HMCN1: variants seen among roughly 807,000 people sequenced by gnomAD.
The protein encoded by HMCN1 is hemicentin 1.
A neutral mutation model predicts 625.9 loss-of-function variants in HMCN1; 321 were observed. The observed-to-expected ratio is 0.51, with a 90% CI of 0.47 to 0.56. HMCN1 has a LOEUF of 0.56. Ranked by LOEUF, HMCN1 falls within the 20% of genes least tolerant of loss-of-function variation. The pLI, the probability that HMCN1 is intolerant of heterozygous loss-of-function variation, is 0.00. For missense variants in HMCN1, 6,588 were observed against 6,887.3 expected (o/e 0.96, Z 1.54); for synonymous variants, 2,425 against 2,417.6 (o/e 1.00, Z -0.09).
chr1:185,828,837 A>T (rs1264663551), intron 1 of HMCN1, among the ~76,000 whole-genome samples: 1 of 152,160 alleles, frequency 6.6e-6, no homozygotes, highest in Non-Finnish European at 1.5e-5. Context: ...AACATGACAT[A>T]TCAGAATCTA....
intron 1 of HMCN1, among the ~76,000 whole-genome samples, chr1:185,735,743 G>T (rs540587588): frequency 1.3e-5 from 2 of 152,314 alleles, no homozygotes; most frequent in South Asian, 2.1e-4. Context: ...CCCTAAAGCC[G>T]TAGGTTTCAG....
At chr1:185,970,893 C>T (rs1405829919) in intron 15 of HMCN1, among the ~76,000 whole-genome samples, 1 of 151,986 alleles carries the variant, frequency 6.6e-6, no homozygotes, top group Admixed American at 6.6e-5. Context: ...CTCCTGACCT[C>T]GTGATTCCCA....
chr1:186,054,043 T>G, intron 44 of HMCN1, 57 bp downstream of exon 44: 1 of 1,508,518 alleles, frequency 6.6e-7, no homozygotes, highest in Non-Finnish European at 9.2e-7. Flanking sequence ...TTTTCATCCT[T>G]CTCATTTACT....
At chr1:185,872,408 A>G (rs1240825166) in intron 4 of HMCN1, among the ~76,000 whole-genome samples, 1 of 152,142 alleles carries the variant, frequency 6.6e-6, no homozygotes, top group East Asian at 1.9e-4. Context: ...TGTACTTTCC[A>G]TTTGTTTAGA....
intron 1 of HMCN1, among the ~76,000 whole-genome samples, chr1:185,821,033 T>C (rs1162498551): frequency 6.6e-6 from 1 of 151,682 alleles, no homozygotes; most frequent in Non-Finnish European, 1.5e-5. Context: ...TATATATATA[T>C]GTACATGTAA....
At chr1:185,899,608 G>A (rs936363205) in intron 4 of HMCN1, among the ~76,000 whole-genome samples, 1 of 152,086 alleles carries the variant, frequency 6.6e-6, no homozygotes, top group Non-Finnish European at 1.5e-5. Flanking sequence ...AAGGGATTTT[G>A]GAGAACATTT....
At chr1:185,924,406 T>C (rs12062879) in intron 8 of HMCN1, among the ~76,000 whole-genome samples, 11,065 of 151,742 alleles carry the variant, frequency 0.073, 1,061 homozygotes, top group African/African-American at 0.22. Context: ...AATGGACTGA[T>C]AAAGATACAG....
intron 1 of HMCN1, among the ~76,000 whole-genome samples, chr1:185,825,715 G>A (rs1660473986): frequency 6.6e-6 from 1 of 152,134 alleles, no homozygotes; most frequent in Admixed American, 6.5e-5. Context: ...ATTTATGGTA[G>A]TGTTTGGCCA....
In HMCN1 at chr1:185,860,369, C is replaced by A. The variant is rs913977829; in HGVS notation, c.340-4101C>A. On this transcript the variant is annotated intron_variant, in intron 2 of 106. Coordinates refer to ENST00000271588, the MANE Select transcript of HMCN1 (RefSeq NM_031935.3). Reference sequence around the variant, plus strand: ...TTTATTATAAAGACTGCACTGATTTCCATAGCAGGAAAAATATAATTAAGC... The same window carrying A: ...TTTATTATAAAGACTGCACTGATTTACATAGCAGGAAAAATATAATTAAGC... Among the ~76,000 whole-genome samples, 21 of 152,032 alleles carry A rather than the reference C, an allele frequency of 1.4e-4. 1 individual carries two copies. Among genetic ancestry groups the A allele is most frequent in the African/African-American group, 5.1e-4 (21 of 41,390 alleles).
At chr1:186,130,336 G>T (rs896430996) in intron 84 of HMCN1, among the ~76,000 whole-genome samples, 171 bp from the exon 85 acceptor site, 2 of 152,110 alleles carry the variant, frequency 1.3e-5, no homozygotes, top group African/African-American at 4.8e-5. Context: ...TATTGAAATT[G>T]ACAAAATTAT....
At position 186,090,922 on chromosome 1, in the gene HMCN1, G is replaced by C; in HGVS notation, c.9887+5G>C. 1 of 1,610,920 alleles carries C rather than the reference G, an allele frequency of 6.2e-7. No individual in the cohort carries two copies. Among genetic ancestry groups the C allele is most frequent in the Non-Finnish European group, 8.5e-7 (1 of 1,177,708 alleles). On this transcript the variant is annotated splice_donor_5th_base_variant and intron_variant, in intron 64 of 106. Coordinates refer to ENST00000271588, the MANE Select transcript of HMCN1 (RefSeq NM_031935.3). Reference sequence around the variant, plus strand: ...TGGTGAAACAGAAAGAATCCGGTATGTTTAAAAATAATCTTTCCATTATAA... The same window carrying C: ...TGGTGAAACAGAAAGAATCCGGTATCTTTAAAAATAATCTTTCCATTATAA...
chr1:185,964,400 G>C (rs984100528), intron 13 of HMCN1, among the ~76,000 whole-genome samples: 1 of 152,140 alleles, frequency 6.6e-6, no homozygotes, highest in South Asian at 2.1e-4. Context: ...AAAGGATAAA[G>C]GAATAATATA....
intron 31 of HMCN1, 97 bp from the exon 32 acceptor site, chr1:186,015,861 C>T: frequency 8.4e-7 from 1 of 1,197,052 alleles, no homozygotes; most frequent in South Asian, 1.3e-5. Context: ...AATGGTCAAA[C>T]TTTGTGAGAA....
intron 1 of HMCN1, among the ~76,000 whole-genome samples, chr1:185,839,556 G>A (rs1661361620): frequency 6.6e-6 from 1 of 152,188 alleles, no homozygotes; most frequent in Admixed American, 6.5e-5. Flanking sequence ...AAAGCTGAGA[G>A]TCTGAACTTT....
rs191514949 is a variant in HMCN1, at chr1:186,070,989, A to G, written c.8139+232A>G. Among the ~76,000 whole-genome samples, 156 of 152,258 alleles carry G rather than the reference A, an allele frequency of 1.0e-3. No individual in the cohort carries two copies. The Middle Eastern group carries it at 0.017, about 17-fold the overall frequency. ...GGAAAGTTTGCATAATTATTTTGTA[A>G]TTGTATTTGTATATTAGCAGTTAAT... On this transcript the variant is annotated intron_variant, in intron 52 of 106. Coordinates refer to ENST00000271588, the MANE Select transcript of HMCN1 (RefSeq NM_031935.3).
At chr1:186,140,412 A>T (rs537385665) in intron 89 of HMCN1, among the ~76,000 whole-genome samples, 1 of 152,282 alleles carries the variant, frequency 6.6e-6, no homozygotes, top group South Asian at 2.1e-4. Context: ...ACATCTCCTC[A>T]TGATTACATG....
At chr1:186,163,678 A>G (rs1651678551) in intron 97 of HMCN1, among the ~76,000 whole-genome samples, 1 of 152,240 alleles carries the variant, frequency 6.6e-6, no homozygotes, top group Non-Finnish European at 1.5e-5. Context: ...AATGCTTAAT[A>G]TACGGCAGAC....
chr1:186,162,743 C>T (rs932290739), intron 97 of HMCN1, among the ~76,000 whole-genome samples: 6 of 152,152 alleles, frequency 3.9e-5, no homozygotes, highest in South Asian at 2.1e-4. Context: ...TCGTGAACCA[C>T]GAATGCTGCT....
chr1:186,115,212 C>T, intron 74 of HMCN1, 46 bp from the exon 75 acceptor site: 2 of 1,605,498 alleles, frequency 1.2e-6, no homozygotes, highest in Non-Finnish European at 1.7e-6. Context: ...AAATGGCACG[C>T]TATTTGCTGA....
Sources: gnomAD v4.1 joint callset for allele counts (sites outside exome capture counted in the v4.1 genomes callset) on GRCh38, gnomAD v4.1.1 for gene constraint, MANE v1.5 for transcripts, NCBI Gene and HGNC (gene_info 2026-07-23, HGNC 2026-07-21) for gene names.